JAKMIP3: variants seen among roughly 807,000 people sequenced by gnomAD.
JAKMIP3 encodes janus kinase and microtubule-interacting protein 3.
A neutral mutation model predicts 118.5 loss-of-function variants in JAKMIP3; 58 were observed. The ratio of observed to expected loss-of-function variants is 0.49; its 90% CI spans 0.40 to 0.61. JAKMIP3 has a LOEUF of 0.61. Among genes scored for constraint, JAKMIP3 ranks in the 20% least tolerant of loss-of-function variants. JAKMIP3 has a pLI of 0.00. For missense variants in JAKMIP3, 950 were observed against 1,109.0 expected (o/e 0.86, Z 2.04); for synonymous variants, 486 against 451.2 (o/e 1.08, Z -0.98).
chr10:132,174,952 G>A (rs2060014705), intron 23 of JAKMIP3, among the ~76,000 whole-genome samples: 1 of 152,086 alleles, frequency 6.6e-6, no homozygotes, highest in African/African-American at 2.4e-5. Context: ...TTTGTATTGG[G>A]TTGTTTGCTT....
intron 3 of JAKMIP3, among the ~76,000 whole-genome samples, chr10:132,119,364 G>T (rs144086378): frequency 5.1e-4 from 77 of 152,292 alleles, no homozygotes; most frequent in African/African-American, 1.8e-3. Flanking sequence ...CTTTAGGATT[G>T]GTACTCACTT....
At chr10:132,138,350 G>A (rs1162305011) in intron 9 of JAKMIP3, among the ~76,000 whole-genome samples, 172 bp downstream of exon 9, 3 of 141,042 alleles carry the variant, frequency 2.1e-5, no homozygotes, top group East Asian at 2.1e-4. Flanking sequence ...AGAGTATGCC[G>A]GGTGCGTGTG....
At position 132,080,503 on chromosome 10, in the gene JAKMIP3, A is replaced by ATTTT. The variant is rs201838731; in HGVS notation, c.-138+14475_-138+14478dup. ...TATTTTCTTGCTGTCAAGTTATAGG[A>ATTTT]TTTTTTTTTTTTTTTTTTTTTTTTT... On this transcript the variant is annotated intron_variant, in intron 1 of 23. Transcript: ENST00000684848. Among the ~76,000 whole-genome samples the ATTTT allele has an allele frequency of 8.9e-4, 55 of 61,580 alleles. 12 individuals are homozygous for ATTTT. Among genetic ancestry groups the ATTTT allele is most frequent in the African/African-American group, 3.6e-3 (51 of 14,266 alleles). The allele number at this position is 61,580 out of a possible 152,430, so 40.4% of individuals were successfully genotyped here.
chr10:132,172,890 T>A (rs916066131), intron 23 of JAKMIP3, among the ~76,000 whole-genome samples: 1 of 151,402 alleles, frequency 6.6e-6, no homozygotes, highest in African/African-American at 2.4e-5. Context: ...TGGAAATACA[T>A]GTGCAAACCA....
At chr10:132,039,376 C>T (rs1286576085) in intron 1 of JAKMIP3, among the ~76,000 whole-genome samples, 1 of 148,574 alleles carries the variant, frequency 6.7e-6, no homozygotes, top group East Asian at 2.1e-4. Flanking sequence ...CCCTGCCTTG[C>T]CCCCTCCGGT....
At chr10:132,041,743 C>T (rs1163269508) in intron 1 of JAKMIP3, among the ~76,000 whole-genome samples, 1 of 152,248 alleles carries the variant, frequency 6.6e-6, no homozygotes, top group Non-Finnish European at 1.5e-5. Context: ...CTGGCCTGAA[C>T]TGTCGCGTGG....
intron 2 of JAKMIP3, among the ~76,000 whole-genome samples, chr10:132,105,543 G>T (rs1176956222): frequency 6.6e-6 from 1 of 151,628 alleles, no homozygotes; most frequent in Non-Finnish European, 1.5e-5. Context: ...AGCCAAGGGG[G>T]TGGGGGTCTG....
chr10:132,175,102 A>G (rs2060028455), intron 23 of JAKMIP3, among the ~76,000 whole-genome samples: 1 of 152,184 alleles, frequency 6.6e-6, no homozygotes, highest in Non-Finnish European at 1.5e-5. Flanking sequence ...AGAAATTCTT[A>G]ATTTTGATGA....
At position 132,166,954 on chromosome 10, in the gene JAKMIP3, G is replaced by A. The variant is rs115780958; in HGVS notation, c.2491-29G>A. 1,471 of 1,461,560 alleles carry A rather than the reference G, an allele frequency of 1.0e-3. 8 individuals are homozygous for A. In the African/African-American group the frequency reaches 0.016, roughly 16 times the overall value. 90.5% of individuals were successfully genotyped at this position (1,461,560 alleles called of 1,614,324 possible). ...CTCTTTTTTCTCTTTCTTTCCTTCC[G>A]TTTCTCCATCCTCCCCTTTCCGTTT... is the stretch of plus-strand genomic sequence containing the variant. On this transcript the variant is annotated intron_variant, in intron 21 of 23. Transcript: ENST00000684848.
intron 1 of JAKMIP3, among the ~76,000 whole-genome samples, chr10:132,038,007 T>G (rs774886724): frequency 6.6e-5 from 10 of 152,260 alleles, no homozygotes; most frequent in African/African-American, 4.8e-5. Context: ...GTAATATGCC[T>G]GGCAAGAAGC....
chr10:132,048,339 G>A (rs961192558), intron 1 of JAKMIP3, among the ~76,000 whole-genome samples: 18 of 152,136 alleles, frequency 1.2e-4, no homozygotes, highest in Admixed American at 7.9e-4. Context: ...CCTTGGCACC[G>A]GGTGCTCTCG....
chr10:132,111,354 C>CCT (rs1554934604), intron 2 of JAKMIP3, among the ~76,000 whole-genome samples: 1 of 151,844 alleles, frequency 6.6e-6, no homozygotes, highest in East Asian at 1.9e-4. Flanking sequence ...CAGAGACCCC[C>CCT]CCCATGAGCA....
intron 1 of JAKMIP3, among the ~76,000 whole-genome samples, chr10:132,038,264 C>T (rs750448618): frequency 2.6e-5 from 4 of 152,140 alleles, no homozygotes; most frequent in Non-Finnish European, 4.4e-5. Flanking sequence ...CAGGTGGGTT[C>T]AGTTCAGCAT....
Position 132,180,692 on chromosome 10 carries a change from CGTGCGTGTGTGT to C in JAKMIP3, c.*1104-1659_*1104-1648del, listed in dbSNP as rs1228068062. On this transcript the variant is annotated intron_variant, in intron 23 of 23. Coordinates refer to ENST00000684848, the MANE Select transcript of JAKMIP3 (RefSeq NM_001323087.2). ...GTGTGTGTGCGCGCGCGTGTGTGTG[CGTGCGTGTGTGT>C]GTGCGCGTGTGTGTGCGTGTGTGTG... is the stretch of plus-strand genomic sequence containing the variant. Among the ~76,000 whole-genome samples, 58 of 11,268 alleles carry C rather than the reference CGTGCGTGTGTGT, an allele frequency of 5.1e-3. 20 individuals are homozygous for C. The highest frequency in any genetic ancestry group is 6.4e-3 in the Non-Finnish European group (36 of 5,622). 7.4% of individuals were successfully genotyped at this position (11,268 alleles called of 152,430 possible).
chr10:132,065,384 C>T (rs2038637166), upstream of JAKMIP3, among the ~76,000 whole-genome samples: 1 of 152,056 alleles, frequency 6.6e-6, no homozygotes, highest in African/African-American at 2.4e-5. The surrounding 1 kb of genome is among the most constrained non-coding windows in gnomAD (Gnocchi z 5.6). Flanking sequence ...TGAGTGTGTG[C>T]AAATCCCTTC....
At chr10:132,139,417 T>G (rs1241680578) in intron 9 of JAKMIP3, among the ~76,000 whole-genome samples, 3 of 90,090 alleles carry the variant, frequency 3.3e-5, no homozygotes, top group East Asian at 6.3e-4. Flanking sequence ...TATGTGTGAG[T>G]GTGTGTGTGT....
intron 23 of JAKMIP3, among the ~76,000 whole-genome samples, chr10:132,180,702 TGTGTGCGC>T (rs1269851074): frequency 9.4e-5 from 3 of 31,956 alleles, no homozygotes; most frequent in African/African-American, 1.6e-4. Flanking sequence ...CGTGCGTGTG[TGTGTGCGC>T]GTGTGTGTGC....
chr10:132,072,863 G>A (rs2040187286), intron 1 of JAKMIP3, among the ~76,000 whole-genome samples: 1 of 152,078 alleles, frequency 6.6e-6, no homozygotes, highest in Non-Finnish European at 1.5e-5. Context: ...TACCTGAATA[G>A]TGAACACTGT....
intron 1 of JAKMIP3, among the ~76,000 whole-genome samples, chr10:132,042,460 G>A (rs979078933): frequency 2.0e-5 from 3 of 152,046 alleles, no homozygotes; most frequent in African/African-American, 2.4e-5. Context: ...TGCCTGCCTC[G>A]ATCTCCCAAA....
Sources: allele counts gnomAD v4.1 joint callset (sites outside exome capture counted in the v4.1 genomes callset), GRCh38; gene constraint gnomAD v4.1.1; non-coding constraint Gnocchi (gnomAD v3.1); transcripts MANE v1.5; gene names NCBI Gene and HGNC (gene_info 2026-07-23, HGNC 2026-07-21).